The following GLDC variants were observed in gnomAD, a reference collection of about 807,000 sequenced individuals.
GLDC encodes the protein glycine dehydrogenase (decarboxylating), mitochondrial.
GLDC carries 104 observed loss-of-function variants against 121.3 expected under a neutral mutation model. The ratio of observed to expected loss-of-function variants is 0.86; its 90% CI spans 0.73 to 1.01. The LOEUF (loss-of-function observed/expected upper bound fraction) is 1.01, where lower values mean the gene tolerates loss of function less well. Among genes scored for constraint, GLDC ranks in the 50% least tolerant of loss-of-function variants. The probability of loss-of-function intolerance (pLI) is 0.00; values close to 1 mark genes in which losing one functional copy is unlikely to be tolerated. For synonymous variants in GLDC, 546 were observed against 480.6 expected (o/e 1.14, Z -1.78); for missense variants, 1,429 against 1,306.6 (o/e 1.09, Z -1.44).
intron 8 of GLDC, 39 bp downstream of exon 8, chr9:6,602,070 C>G (rs375500002): frequency 8.6e-7 from 1 of 1,158,796 alleles, no homozygotes; most frequent in Non-Finnish European, 1.3e-6. Flanking sequence ...TTCTGTGTAT[C>G]GTAAGGCATT....
At chr9:6,568,900 C>T (rs1817901287) in intron 15 of GLDC, 1 of 152,164 alleles carries the variant, frequency 6.6e-6, no homozygotes, top group Non-Finnish European at 1.5e-5. Context: ...ATGGCATTTA[C>T]TCAGGCTGAT....
intron 11 of GLDC, 29 bp downstream of exon 11, chr9:6,592,114 T>A: frequency 3.0e-6 from 4 of 1,344,134 alleles, no homozygotes; most frequent in Non-Finnish European, 3.2e-6. Context: ...ATAGTTATGA[T>A]GAGGAACGCA....
At chr9:6,564,640 C>T (rs1164125145) in intron 16 of GLDC, among the ~76,000 whole-genome samples, 2 of 152,200 alleles carry the variant, frequency 1.3e-5, no homozygotes, top group Non-Finnish European at 2.9e-5. Flanking sequence ...TAGCATAGCA[C>T]TGGCCATCAA....
intron 21 of GLDC, among the ~76,000 whole-genome samples, chr9:6,543,402 T>C (rs1210593668): frequency 6.6e-6 from 1 of 152,050 alleles, no homozygotes; most frequent in Non-Finnish European, 1.5e-5. Context: ...GAGGAGGCAC[T>C]CTTGCTGGCA....
intron 16 of GLDC, among the ~76,000 whole-genome samples, chr9:6,559,173 C>G (rs969893993): frequency 6.6e-6 from 1 of 152,100 alleles, no homozygotes; most frequent in African/African-American, 2.4e-5. Flanking sequence ...GATGTTTACT[C>G]TGTAATAAAT....
chr9:6,552,292 C>T (rs1217517073), intron 20 of GLDC, among the ~76,000 whole-genome samples: 1 of 152,128 alleles, frequency 6.6e-6, no homozygotes, highest in African/African-American at 2.4e-5. Flanking sequence ...GCCAAACCAA[C>T]CTTGGGGCAT....
At chr9:6,549,566 TG>T (rs1358328745) in intron 21 of GLDC, among the ~76,000 whole-genome samples, 1 of 152,166 alleles carries the variant, frequency 6.6e-6, no homozygotes, top group Non-Finnish European at 1.5e-5. Flanking sequence ...CGTTTTGTTC[TG>T]GCTTCTCACC....
chr9:6,534,676 C>A, intron 24 of GLDC, 32 bp downstream of exon 24: 1 of 1,230,908 alleles, frequency 8.1e-7, no homozygotes, highest in South Asian at 1.2e-5. Context: ...CCATGCCTTC[C>A]CAGCTGGCAC....
rs191486453 is a variant in GLDC at position 6,614,196 on chromosome 9, T to C, written c.471-3840A>G. On this transcript the variant is annotated intron_variant, in intron 3 of 24. Transcript: ENST00000321612. ...ACAGTGATTCACAGATATCCTTGCA[T>C]CTTCAAAACTACTAAGTATTAAGAA... Among the ~76,000 whole-genome samples the C allele has an allele frequency of 1.1e-3, 169 of 152,218 alleles. 2 individuals carry two copies. Among genetic ancestry groups the C allele is most frequent in the African/African-American group, 3.5e-3 (144 of 41,542 alleles).
chr9:6,584,380 A>G (rs955359120), intron 15 of GLDC, among the ~76,000 whole-genome samples: 1 of 152,258 alleles, frequency 6.6e-6, no homozygotes, highest in African/African-American at 2.4e-5. Flanking sequence ...TGTGACGTGC[A>G]TATAGGTCCC....
At chr9:6,557,824 G>C (rs1817669164) in intron 17 of GLDC, 1 of 154,020 alleles carries the variant, frequency 6.5e-6, no homozygotes, top group Non-Finnish European at 1.4e-5. Context: ...TACTATAATG[G>C]AGGGACTTAA....
chr9:6,615,865 C>T (rs754238678), intron 3 of GLDC, among the ~76,000 whole-genome samples: 92 of 152,276 alleles, frequency 6.0e-4, no homozygotes, highest in East Asian at 2.7e-3. Context: ...CTGCCCACCT[C>T]GGCCTCCCAA....
chr9:6,586,021 C>T (rs1041329324), intron 15 of GLDC, among the ~76,000 whole-genome samples: 1 of 152,038 alleles, frequency 6.6e-6, no homozygotes, highest in Non-Finnish European at 1.5e-5. Context: ...CTAGGCCAGG[C>T]GTGGTGGCTC....
intron 10 of GLDC, 38 bp downstream of exon 10, chr9:6,592,813 T>G: frequency 6.3e-7 from 1 of 1,597,716 alleles, no homozygotes; most frequent in Non-Finnish European, 8.6e-7. Context: ...AATGTGAAAA[T>G]TTGAAAAACT....
At chr9:6,599,899 T>C (rs953706120) in intron 8 of GLDC, among the ~76,000 whole-genome samples, 2 of 152,086 alleles carry the variant, frequency 1.3e-5, no homozygotes, top group African/African-American at 4.8e-5. Context: ...ACTGAGGAAA[T>C]GGCTCCAAAG....
intron 4 of GLDC, among the ~76,000 whole-genome samples, chr9:6,609,755 G>A (rs1303230743): frequency 4.0e-5 from 6 of 151,780 alleles, no homozygotes; most frequent in Non-Finnish European, 8.8e-5. Context: ...TAGCCTCACT[G>A]CCCTGCCTTG....
At chr9:6,603,246 A>C (rs1818655232) in intron 7 of GLDC, among the ~76,000 whole-genome samples, 1 of 151,584 alleles carries the variant, frequency 6.6e-6, no homozygotes. Flanking sequence ...AAAAAAAAAA[A>C]ACAAATCACA....
intron 9 of GLDC, among the ~76,000 whole-genome samples, chr9:6,594,459 G>T (rs1818448162): frequency 6.6e-6 from 1 of 152,126 alleles, no homozygotes; most frequent in Middle Eastern, 3.4e-3. Context: ...ACTTTGAGAG[G>T]CCAAAGTGGA....
At chr9:6,622,584 G>C (rs1325555311) in intron 2 of GLDC, among the ~76,000 whole-genome samples, 7 of 152,230 alleles carry the variant, frequency 4.6e-5, no homozygotes, top group East Asian at 1.9e-4. Flanking sequence ...CGTGATCTCG[G>C]CTCGCTACAA....
Sources: allele counts gnomAD v4.1 joint callset (sites outside exome capture counted in the v4.1 genomes callset), GRCh38; gene constraint gnomAD v4.1.1; transcripts MANE v1.5; gene names NCBI Gene and HGNC (gene_info 2026-07-23, HGNC 2026-07-21).